The following OR3A2 variants were observed in gnomAD, a reference collection of about 807,000 sequenced individuals.
OR3A2 encodes olfactory receptor 3A2.
For missense variants in OR3A2, 318 were observed against 392.8 expected (o/e 0.81, Z 1.61); for synonymous variants, 126 against 159.3 (o/e 0.79, Z 1.57).
chr17:3,332,854 T>C (rs1045469629), intron 3 of OR3A2, among the ~76,000 whole-genome samples: 2 of 152,234 alleles, frequency 1.3e-5, no homozygotes, highest in Non-Finnish European at 2.9e-5. Context: ...CTGTTATCTT[T>C]GTAAGCAGAG....
chr17:3,372,841 A>AGGAGAAGGAGAGGGAGAG (rs1393279598), intron 2 of OR3A2, among the ~76,000 whole-genome samples: 1 of 98,526 alleles, frequency 1.0e-5, no homozygotes, highest in African/African-American at 4.1e-5. Flanking sequence ...AGGGAGGAGA[A>AGGAGAAGGAGAGGGAGAG]GGAGAAGGAG....
At chr17:3,314,830 T>C (rs1019928397) in intron 3 of OR3A2, among the ~76,000 whole-genome samples, 18 of 152,354 alleles carry the variant, frequency 1.2e-4, no homozygotes, top group African/African-American at 4.1e-4. Context: ...GGCAGTTTTT[T>C]AATCCACACC....
intron 2 of OR3A2, among the ~76,000 whole-genome samples, chr17:3,359,501 G>C (rs1051328438): frequency 6.6e-6 from 1 of 151,714 alleles, no homozygotes. Flanking sequence ...TTGCTTATCT[G>C]AAAAGGAACA....
At chr17:3,376,333 C>T (rs1601910) in intron 2 of OR3A2, among the ~76,000 whole-genome samples, 23,049 of 151,994 alleles carry the variant, frequency 0.15, 2,329 homozygotes, top group African/African-American at 0.28. Context: ...TCTCAGGTGA[C>T]GGTTGGGGCC....
chr17:3,327,007 T>A (rs1203475001), intron 3 of OR3A2, among the ~76,000 whole-genome samples: 1 of 83,134 alleles, frequency 1.2e-5, no homozygotes, highest in Non-Finnish European at 2.1e-5. Context: ...AATGCCGCAA[T>A]AAACATACGT....
chr17:3,278,983 T>A (rs2048761404), intron 1 of OR3A2, 60 bp from the exon 5 acceptor site: 1 of 1,572,524 alleles, frequency 6.4e-7, no homozygotes, highest in Non-Finnish European at 8.6e-7. Context: ...TATTCAACAT[T>A]AATATTTTAA....
chr17:3,295,703 C>T (rs1157938663), intron 3 of OR3A2, among the ~76,000 whole-genome samples: 1 of 151,204 alleles, frequency 6.6e-6, no homozygotes, highest in Non-Finnish European at 1.5e-5. Flanking sequence ...ACAGCCAAAA[C>T]CAAGTTAATT....
At chr17:3,315,685 T>C (rs1202523609) in intron 3 of OR3A2, among the ~76,000 whole-genome samples, 1 of 150,312 alleles carries the variant, frequency 6.7e-6, no homozygotes, top group East Asian at 2.0e-4. Flanking sequence ...GGATCTTTAA[T>C]TAGGTCCCAC....
At chr17:3,384,945 AC>A (rs2150670886) in intron 1 of OR3A2, among the ~76,000 whole-genome samples, 1 of 152,192 alleles carries the variant, frequency 6.6e-6, no homozygotes, top group South Asian at 2.1e-4. Context: ...TAATCCCAGC[AC>A]TTTGGGAGGC....
intron 3 of OR3A2, among the ~76,000 whole-genome samples, chr17:3,330,898 G>C (rs979108371): frequency 6.6e-6 from 1 of 151,520 alleles, no homozygotes; most frequent in Non-Finnish European, 1.5e-5. Context: ...GCTCTTTTAG[G>C]GCAGGCCTGG....
At chr17:3,324,687 G>A (rs531689319) in intron 3 of OR3A2, among the ~76,000 whole-genome samples, 12 of 152,158 alleles carry the variant, frequency 7.9e-5, no homozygotes, top group Middle Eastern at 6.8e-3. Context: ...TTGGTGAACC[G>A]CAAATGCTGC....
At chr17:3,369,519 C>T (rs117071206) in intron 2 of OR3A2, among the ~76,000 whole-genome samples, 2,559 of 152,252 alleles carry the variant, frequency 0.017, 30 homozygotes, top group Non-Finnish European at 0.027. Context: ...TAATTGTTTA[C>T]ATGGTGTATT....
At chr17:3,304,500 G>A (rs944136603) in intron 3 of OR3A2, among the ~76,000 whole-genome samples, 1 of 152,176 alleles carries the variant, frequency 6.6e-6, no homozygotes, top group Admixed American at 6.5e-5. Flanking sequence ...CTGCTCTAGA[G>A]GTAAGGATTC....
chr17:3,335,471 C>T (rs2049269515), intron 3 of OR3A2, among the ~76,000 whole-genome samples: 1 of 151,994 alleles, frequency 6.6e-6, no homozygotes, highest in African/African-American at 2.4e-5. Context: ...TATTTCACTC[C>T]CTGCCCCACC....
intron 2 of OR3A2, among the ~76,000 whole-genome samples, chr17:3,358,026 A>G (rs1256010416): frequency 1.3e-5 from 2 of 151,672 alleles, no homozygotes; most frequent in African/African-American, 4.9e-5. Context: ...AATTTTTCCT[A>G]GAAGCATTTT....
chr17:3,311,000 A>T, intron 3 of OR3A2: 1 of 550,630 alleles, frequency 1.8e-6, no homozygotes. Context: ...CAGTCCTGCG[A>T]ATCCGCTCTG....
intron 2 of OR3A2, among the ~76,000 whole-genome samples, chr17:3,355,229 A>G (rs1214855838): frequency 6.6e-6 from 1 of 151,474 alleles, no homozygotes; most frequent in African/African-American, 2.4e-5. Flanking sequence ...ATGGACTATC[A>G]TTGAGAATGA....
At chr17:3,334,736 A>T (rs2049265289) in intron 3 of OR3A2, among the ~76,000 whole-genome samples, 1 of 152,224 alleles carries the variant, frequency 6.6e-6, no homozygotes, top group Non-Finnish European at 1.5e-5. Flanking sequence ...AGATCTTTCC[A>T]TATAGAGGCA....
At chr17:3,358,097 G>A (rs1041084126) in intron 2 of OR3A2, among the ~76,000 whole-genome samples, 2 of 151,546 alleles carry the variant, frequency 1.3e-5, no homozygotes, top group African/African-American at 4.9e-5. Context: ...ATTGGCCTAG[G>A]AGGACATCAG....
Sources: allele counts gnomAD v4.1 joint callset (sites outside exome capture counted in the v4.1 genomes callset), GRCh38; gene constraint gnomAD v4.1.1; transcripts MANE v1.5; gene names NCBI Gene and HGNC (gene_info 2026-07-23, HGNC 2026-07-21).